The following KCNQ1 variants were observed in gnomAD, a reference collection of about 807,000 sequenced individuals.
The protein encoded by KCNQ1 is potassium voltage-gated channel subfamily KQT member 1.
In KCNQ1, 49 loss-of-function variants were observed where a neutral mutation model predicts 72.4. The ratio of observed to expected loss-of-function variants is 0.68; its 90% confidence interval spans 0.54 to 0.86. KCNQ1 has a LOEUF of 0.86. KCNQ1 is among the 40% of genes least tolerant of loss of function. KCNQ1 has a pLI of 0.00. For missense variants in KCNQ1, 790 were observed against 945.1 expected, an observed-to-expected ratio of 0.84 and a Z score of 2.15; for synonymous variants, 450 against 412.6, an observed-to-expected ratio of 1.09 and a Z score of -1.10.
In KCNQ1 at chr11:2,668,694, ACT is replaced by A; in HGVS notation, c.1514+6615_1514+6616del. ...ATTTGTCAGAGAGAGAGATACACAC[ACT>A]CACACTCTCTCACAGACACACACAT... is the stretch of plus-strand genomic sequence containing the variant. On this transcript the variant is annotated intron_variant, in intron 11 of 15. Transcript: ENST00000155840. The surrounding 1 kb of genome is among the most constrained non-coding windows in gnomAD (Gnocchi z 4.3). 7.5e-6 allele frequency: 3 copies of A among 398,290 alleles called. 1 individual carries two copies. The highest frequency in any genetic ancestry group is 8.8e-6 in the Non-Finnish European group (2 of 225,998). The allele number at this position is 398,290 out of a possible 1,614,324, so 24.7% of individuals were successfully genotyped here. A position where few individuals can be genotyped will look rare whatever the true frequency, so the allele number is the denominator to read the frequency against.
chr11:2,561,046 C>T (rs1430127063), intron 2 of KCNQ1, among the ~76,000 whole-genome samples: 2 of 151,424 alleles, frequency 1.3e-5, no homozygotes, highest in Non-Finnish European at 2.9e-5. Context: ...ACTAAAAATA[C>T]AAAAAATTAG....
At position 2,603,001 on chromosome 11, in the gene KCNQ1, T is replaced by G. The variant is rs1430281636; in HGVS notation, c.1393+14147T>G. Reference sequence around the variant, plus strand: ...CTTTGGCCCTGGACCCCAAATATCTTCTGCTATAGCTTTTTTCTAACAGCC... The same window carrying G: ...CTTTGGCCCTGGACCCCAAATATCTGCTGCTATAGCTTTTTTCTAACAGCC... On this transcript the variant is annotated intron_variant, in intron 10 of 15. Transcript: ENST00000155840. The surrounding 1 kb of genome is among the most constrained non-coding windows in gnomAD (Gnocchi z 4.1). Among the ~76,000 whole-genome samples the G allele has an allele frequency of 6.6e-6, 1 of 152,220 alleles. No individual in the cohort carries two copies. Among genetic ancestry groups the G allele is most frequent in the Non-Finnish European group, 1.5e-5 (1 of 68,036 alleles).
chr11:2,692,194 G>T, intron 11 of KCNQ1: 1 of 398,802 alleles, frequency 2.5e-6, no homozygotes, highest in Non-Finnish European at 4.4e-6. Context: ...AAGTTCTGGG[G>T]TCATTTCCGA....
At position 2,657,493 on chromosome 11, in the gene KCNQ1, T is replaced by C; in HGVS notation, c.1394-4468T>C. 3 of 398,580 alleles carry C rather than the reference T, an allele frequency of 7.5e-6. No homozygotes were observed. Among genetic ancestry groups the C allele is most frequent in the Non-Finnish European group, 8.8e-6 (2 of 226,046 alleles). 24.7% of individuals were successfully genotyped at this position (398,580 alleles called of 1,614,324 possible). On this transcript the variant is annotated intron_variant, in intron 10 of 15. Transcript: ENST00000155840. This position sits in a 1 kb window ranked among gnomAD's most constrained non-coding sequence, Gnocchi z 4.8. ...TCTGTTTTCTCTTGTTACCTCACATTTTTTATTTACAGAAGAGAAACAAAA... is the reference window on the plus strand; with the variant it reads ...TCTGTTTTCTCTTGTTACCTCACATCTTTTATTTACAGAAGAGAAACAAAA...
chr11:2,585,247 G>A lies in KCNQ1; in HGVS notation c.1068G>A (p.Gln356=). Residue 356 remains glutamine (Q), a synonymous_variant, in exon 8 of 16, where the codon CAG becomes CAA. Coordinates refer to ENST00000155840, the MANE Select transcript of KCNQ1 (RefSeq NM_000218.3). ...ILGSGFALKV[Q]QKQRQKHFNR... is the part of the protein sequence containing the mutation. ...GCTCGGGGTTTGCCCTGAAGGTGCA[G>A]CAGAAGCAGAGGCAGAAGCACTTCA... The A allele has an allele frequency of 6.2e-7, 1 of 1,614,112 alleles. No individual in the cohort carries two copies. The highest frequency in any genetic ancestry group is 8.5e-7 in the Non-Finnish European group (1 of 1,180,024).
rs913489361 is a variant in KCNQ1 at position 2,617,942 on chromosome 11, T to G, written c.1393+29088T>G. 28 of 398,510 alleles carry G rather than the reference T, an allele frequency of 7.0e-5. No individual in the cohort carries two copies. The highest frequency in any genetic ancestry group is 1.3e-5 in the Non-Finnish European group (3 of 226,050). 24.7% of individuals were successfully genotyped at this position (398,510 alleles called of 1,614,324 possible). ...ATAAATTTTGGATATTATCCTCTTA[T>G]AAGATATATGGTTGGCAAATATTTT... On this transcript the variant is annotated intron_variant, in intron 10 of 15. Transcript: ENST00000155840. The surrounding 1 kb of genome is among the most constrained non-coding windows in gnomAD (Gnocchi z 4.6).
intron 6 of KCNQ1, among the ~76,000 whole-genome samples, chr11:2,577,937 C>T (rs1189686324): frequency 6.6e-6 from 1 of 152,186 alleles, no homozygotes; most frequent in African/African-American, 2.4e-5. Flanking sequence ...CTTTCCTCCA[C>T]CTTCATTGGC....
chr11:2,739,726 G>A (rs1846019769), intron 11 of KCNQ1, among the ~76,000 whole-genome samples: 1 of 152,256 alleles, frequency 6.6e-6, no homozygotes. Flanking sequence ...CAGGTCGGCT[G>A]CTCCGAGGAC....
Position 2,663,420 on chromosome 11 carries a change from T to C in KCNQ1, c.1514+1339T>C. ...TGGCTTACACTGTGGCCAAGGCCTG[T>C]ACCAAGTCCTGGATATGATGGACCT... On this transcript the variant is annotated intron_variant, in intron 11 of 15. Transcript: ENST00000155840. The surrounding 1 kb of genome is among the most constrained non-coding windows in gnomAD (Gnocchi z 5.2). The C allele has an allele frequency of 2.5e-6, 1 of 398,834 alleles. No individual in the cohort carries two copies. The highest frequency in any genetic ancestry group is 4.4e-6 in the Non-Finnish European group (1 of 226,218). The allele number at this position is 398,834 out of a possible 1,614,324, so 24.7% of individuals were successfully genotyped here. A position where few individuals can be genotyped will look rare whatever the true frequency, so the allele number is the denominator to read the frequency against.
chr11:2,662,396 C>CA (rs927653065), intron 11 of KCNQ1: 20 of 505,338 alleles, frequency 4.0e-5, no homozygotes, highest in Middle Eastern at 5.1e-4. Context: ...CCCTGCCCCC[C>CA]AAAAAAGAGA....
At chr11:2,504,174 G>T (rs1847062368) in intron 1 of KCNQ1, among the ~76,000 whole-genome samples, 1 of 152,192 alleles carries the variant, frequency 6.6e-6, no homozygotes, top group Non-Finnish European at 1.5e-5. Flanking sequence ...CGTGTCATTT[G>T]CAACAACATG....
intron 1 of KCNQ1, among the ~76,000 whole-genome samples, chr11:2,517,819 G>T (rs1023944313): frequency 1.3e-5 from 2 of 152,242 alleles, no homozygotes; most frequent in Admixed American, 1.3e-4. Context: ...ACCCCAGGAG[G>T]CTCCCAGCGA....
In KCNQ1 at chr11:2,543,649, C is replaced by G. The variant is rs1040891311; in HGVS notation, c.477+15631C>G. On this transcript the variant is annotated intron_variant, in intron 2 of 15. Transcript: ENST00000155840. This position sits in a 1 kb window ranked among gnomAD's most constrained non-coding sequence, Gnocchi z 5.6. The stretch of plus-strand genomic sequence containing the variant: ...TAGCTTTTTCCTTTTAAATATGTTT[C>G]ATGCTTTTCACATTCTATTTAGGAA... Among the ~76,000 whole-genome samples, 7 of 152,190 alleles carry G rather than the reference C, an allele frequency of 4.6e-5. 1 individual carries two copies. In the East Asian group the frequency reaches 1.3e-3, roughly 29 times the overall value.
chr11:2,527,624 G>A (rs947275755), intron 1 of KCNQ1, among the ~76,000 whole-genome samples: 4 of 152,364 alleles, frequency 2.6e-5, no homozygotes, highest in African/African-American at 9.6e-5. Context: ...TGTCCAGGGC[G>A]TAGCCACACT....
chr11:2,847,561 C>T (rs1057040402), intron 15 of KCNQ1, among the ~76,000 whole-genome samples: 2 of 152,348 alleles, frequency 1.3e-5, no homozygotes, highest in Admixed American at 6.5e-5. Flanking sequence ...CCAATCGGCA[C>T]ACATGCACAT....
chr11:2,483,945 G>T lies in KCNQ1; in HGVS notation c.386+38461G>T. ...CCGCTGATTTTAGTGCCCATCAGCT[G>T]GTTTTGCTTGTGACAGGCAAAGTCT... On this transcript the variant is annotated intron_variant, in intron 1 of 15. Coordinates refer to ENST00000155840, the MANE Select transcript of KCNQ1 (RefSeq NM_000218.3). The surrounding 1 kb of genome is among the most constrained non-coding windows in gnomAD (Gnocchi z 6.1). Among the ~76,000 whole-genome samples, 1 of 152,150 alleles carries T rather than the reference G, an allele frequency of 6.6e-6. No homozygotes were observed.
chr11:2,527,830 TG>T, intron 1 of KCNQ1, 97 bp from the exon 2 acceptor site: 1 of 995,464 alleles, frequency 1.0e-6, no homozygotes, highest in Non-Finnish European at 1.6e-6. Flanking sequence ...TGTTCCTACC[TG>T]GGGGCGGGGC....
chr11:2,552,330 G>A (rs1247517758), intron 2 of KCNQ1, among the ~76,000 whole-genome samples: 1 of 152,180 alleles, frequency 6.6e-6, no homozygotes, highest in Non-Finnish European at 1.5e-5. Context: ...TTATCCAGTT[G>A]TCCCAGAGAC....
At chr11:2,831,177 T>C (rs1359519134) in intron 15 of KCNQ1, among the ~76,000 whole-genome samples, 1 of 152,180 alleles carries the variant, frequency 6.6e-6, no homozygotes, top group African/African-American at 2.4e-5. Context: ...TGACAGGTGC[T>C]CTGTGATCAG....
Sources: allele counts gnomAD v4.1 joint callset (sites outside exome capture counted in the v4.1 genomes callset), GRCh38; gene constraint gnomAD v4.1.1; non-coding constraint Gnocchi (gnomAD v3.1); transcripts MANE v1.5; gene names NCBI Gene and HGNC (gene_info 2026-07-23, HGNC 2026-07-21).